Variants in FAM107B observed in about 807,000 individuals in gnomAD.
The protein encoded by FAM107B is family with sequence similarity 107 member B.
A neutral mutation model predicts 31.5 loss-of-function variants in FAM107B; 21 were observed. That is an observed-to-expected ratio of 0.67 (90% CI 0.47 to 0.96). FAM107B has a LOEUF of 0.96. FAM107B is among the 40% of genes least tolerant of loss of function. FAM107B has a pLI of 0.00. For missense variants in FAM107B, 452 were observed against 377.1 expected (o/e 1.20, Z -1.64); for synonymous variants, 157 against 141.5 (o/e 1.11, Z -0.78).
intron 2 of FAM107B, chr10:14,556,081 A>G (rs1379433469): frequency 6.6e-6 from 1 of 152,408 alleles, no homozygotes; most frequent in Non-Finnish European, 1.5e-5. Context: ...ATAGGAATCC[A>G]CATTAAAGCT....
chr10:14,558,998 A>G (rs1474356745), intron 2 of FAM107B, among the ~76,000 whole-genome samples: 1 of 151,504 alleles, frequency 6.6e-6, no homozygotes, highest in Non-Finnish European at 1.5e-5. Context: ...GTTGATTTCC[A>G]TGTGAACCAA....
chr10:14,656,317 A>G (rs1854053219), intron 2 of FAM107B, among the ~76,000 whole-genome samples: 1 of 152,200 alleles, frequency 6.6e-6, no homozygotes. Flanking sequence ...CCAAAATTTC[A>G]CTTCATTTGA....
At chr10:14,606,804 CAGAA>C (rs72445785) in intron 2 of FAM107B, among the ~76,000 whole-genome samples, 16,931 of 152,150 alleles carry the variant, frequency 0.11, 1,066 homozygotes, top group Middle Eastern at 0.19. Flanking sequence ...AACTGCAAGC[CAGAA>C]AGAGAGGCCT....
At chr10:14,647,605 A>G (rs1416895886) in intron 2 of FAM107B, among the ~76,000 whole-genome samples, 1 of 151,812 alleles carries the variant, frequency 6.6e-6, no homozygotes, top group Non-Finnish European at 1.5e-5. Context: ...GAATCACTTG[A>G]ACCTGGGAGG....
intron 2 of FAM107B, among the ~76,000 whole-genome samples, chr10:14,629,425 A>T (rs371946147): frequency 2.2e-3 from 9 of 4,156 alleles, no homozygotes; most frequent in East Asian, 7.2e-3. Context: ...TATAATATAT[A>T]TAATATATAT....
intron 2 of FAM107B, among the ~76,000 whole-genome samples, chr10:14,566,932 A>G (rs1850719690): frequency 6.6e-6 from 1 of 152,202 alleles, no homozygotes; most frequent in Admixed American, 6.5e-5. Context: ...CGGGCAAAAC[A>G]CAAGGTCAGG....
At chr10:14,701,561 A>T (rs1315583231) in intron 1 of FAM107B, among the ~76,000 whole-genome samples, 2 of 152,228 alleles carry the variant, frequency 1.3e-5, no homozygotes, top group East Asian at 3.9e-4. Context: ...CTTCATTTTA[A>T]ATAGTCCTCA....
At chr10:14,629,439 ATATATATTATATATATATT>A (rs1853282502) in intron 2 of FAM107B, among the ~76,000 whole-genome samples, 4 of 6,230 alleles carry the variant, frequency 6.4e-4, no homozygotes, top group African/African-American at 3.9e-3. Flanking sequence ...TATATATTAT[ATATATATTATATATATATT>A]ATATATATAT....
chr10:14,744,236 A>T (rs181974848), intron 1 of FAM107B, among the ~76,000 whole-genome samples: 1 of 152,288 alleles, frequency 6.6e-6, no homozygotes, highest in East Asian at 1.9e-4. Context: ...TATCAGCTTA[A>T]GGGGCATTTG....
At chr10:14,640,628 A>G (rs1181935870) in intron 2 of FAM107B, among the ~76,000 whole-genome samples, 2 of 152,168 alleles carry the variant, frequency 1.3e-5, no homozygotes, top group African/African-American at 4.8e-5. Flanking sequence ...CTTTCTGTCT[A>G]CTGGATTCCC....
chr10:14,615,714 G>A (rs1467433626), intron 2 of FAM107B, among the ~76,000 whole-genome samples: 12 of 152,224 alleles, frequency 7.9e-5, no homozygotes, highest in Non-Finnish European at 2.9e-5. Context: ...GTATCTCTGT[G>A]TGGAAAGGAG....
chr10:14,642,663 C>A (rs564023310), intron 2 of FAM107B, among the ~76,000 whole-genome samples: 2 of 152,178 alleles, frequency 1.3e-5, no homozygotes, highest in South Asian at 4.1e-4. Flanking sequence ...TCTGCAAGTT[C>A]TTGTTTCTTT....
At chr10:14,524,385 AAT>A (rs1323752037) in intron 3 of FAM107B, among the ~76,000 whole-genome samples, 3 of 152,110 alleles carry the variant, frequency 2.0e-5, no homozygotes, top group African/African-American at 4.8e-5. Context: ...CAGTCAAAAT[AAT>A]ATATGTCTCC....
intron 2 of FAM107B, among the ~76,000 whole-genome samples, chr10:14,634,583 C>T (rs1276155967): frequency 6.6e-6 from 1 of 151,220 alleles, no homozygotes; most frequent in Non-Finnish European, 1.5e-5. Context: ...AAAACAGCTG[C>T]CAGCTTAAAA....
At chr10:14,645,272 TC>T (rs1853724628) in intron 2 of FAM107B, among the ~76,000 whole-genome samples, 1 of 152,178 alleles carries the variant, frequency 6.6e-6, no homozygotes, top group East Asian at 1.9e-4. Flanking sequence ...TACAAAAAGC[TC>T]CTTTACTGCC....
At chr10:14,632,577 C>G (rs1419267530) in intron 2 of FAM107B, among the ~76,000 whole-genome samples, 5 of 146,574 alleles carry the variant, frequency 3.4e-5, no homozygotes, top group Non-Finnish European at 7.4e-5. Context: ...CGCCACTGCA[C>G]TCCAGCCTGG....
intron 1 of FAM107B, among the ~76,000 whole-genome samples, chr10:14,768,818 C>A (rs994373246): frequency 6.6e-6 from 1 of 152,190 alleles, no homozygotes. Context: ...GCAACCCTAC[C>A]CATTAGTGCT....
At chr10:14,546,460 G>GT (rs936007726) in intron 2 of FAM107B, among the ~76,000 whole-genome samples, 27 of 152,310 alleles carry the variant, frequency 1.8e-4, no homozygotes, top group African/African-American at 6.3e-4. Flanking sequence ...TGTTTCAACT[G>GT]TAAGTACACT....
chr10:14,761,682 C>T (rs1306863902), intron 1 of FAM107B, among the ~76,000 whole-genome samples: 1 of 152,082 alleles, frequency 6.6e-6, no homozygotes, highest in Non-Finnish European at 1.5e-5. Flanking sequence ...TCACTGCAAC[C>T]TCCACCTCCC....
Sources: allele counts gnomAD v4.1 joint callset (sites outside exome capture counted in the v4.1 genomes callset), GRCh38; gene constraint gnomAD v4.1.1; transcripts MANE v1.5; gene names NCBI Gene and HGNC (gene_info 2026-07-23, HGNC 2026-07-21).